Variants in GBE1 observed in about 807,000 individuals in gnomAD.
GBE1 encodes 1,4-alpha-glucan branching enzyme 1.
In GBE1, 70 loss-of-function variants were observed where a neutral mutation model predicts 88.8. The ratio of observed to expected loss-of-function variants is 0.79; its 90% CI spans 0.65 to 0.96. The LOEUF (loss-of-function observed/expected upper bound fraction) is 0.96, where lower values mean the gene tolerates loss of function less well. GBE1 is among the 40% of genes least tolerant of loss of function. The probability of loss-of-function intolerance (pLI) is 0.00; values close to 1 mark genes in which losing one functional copy is unlikely to be tolerated. For missense variants in GBE1, 872 were observed against 871.0 expected (o/e 1.00, Z -0.01); for synonymous variants, 284 against 300.1 (o/e 0.95, Z 0.56).
At chr3:81,741,451 A>G (rs890838512) in intron 1 of GBE1, among the ~76,000 whole-genome samples, 13 of 152,148 alleles carry the variant, frequency 8.5e-5, no homozygotes, top group Non-Finnish European at 1.5e-4. Flanking sequence ...AAAATTCCCA[A>G]ATGTCAACAC....
chr3:81,517,557 G>A (rs1702813014), intron 14 of GBE1, among the ~76,000 whole-genome samples: 1 of 151,312 alleles, frequency 6.6e-6, no homozygotes, highest in South Asian at 2.1e-4. Context: ...GTTAGCTAAT[G>A]TGGTAATGAG....
intron 1 of GBE1, among the ~76,000 whole-genome samples, chr3:81,751,828 A>AT (rs1706531632): frequency 6.6e-6 from 1 of 152,188 alleles, no homozygotes; most frequent in Non-Finnish European, 1.5e-5. Flanking sequence ...ACTGGTGTGT[A>AT]TATCTGTATT....
chr3:81,490,679 C>A (rs567611047), intron 15 of GBE1, among the ~76,000 whole-genome samples: 42 of 151,940 alleles, frequency 2.8e-4, no homozygotes, highest in Admixed American at 2.6e-3. Context: ...GGGCGCCATA[C>A]GACTTAATGA....
intron 14 of GBE1, among the ~76,000 whole-genome samples, chr3:81,532,925 G>A (rs538457365): frequency 7.8e-4 from 118 of 151,910 alleles, no homozygotes; most frequent in Non-Finnish European, 1.5e-4. Context: ...TCTTAATCTC[G>A]TTATCTCTCC....
At chr3:81,513,556 G>A (rs530423002) in intron 14 of GBE1, among the ~76,000 whole-genome samples, 3 of 150,858 alleles carry the variant, frequency 2.0e-5, no homozygotes, top group Admixed American at 6.6e-5. Context: ...GGTGTTTATT[G>A]TTTTGTTCCC....
chr3:81,741,865 A>G (rs1371637365), intron 1 of GBE1, among the ~76,000 whole-genome samples: 1 of 147,622 alleles, frequency 6.8e-6, no homozygotes, highest in Non-Finnish European at 1.5e-5. Context: ...TTTTTTATAT[A>G]TAATATATAA....
intron 2 of GBE1, among the ~76,000 whole-genome samples, chr3:81,682,021 CAT>C (rs1465085014): frequency 1.3e-5 from 2 of 152,098 alleles, no homozygotes; most frequent in African/African-American, 4.8e-5. Context: ...ATTTTCAAAT[CAT>C]ATATTTGATA....
intron 12 of GBE1, among the ~76,000 whole-genome samples, chr3:81,573,538 T>A (rs2106927158): frequency 6.6e-6 from 1 of 152,336 alleles, no homozygotes; most frequent in African/African-American, 2.4e-5. Context: ...CCTTTTGGGT[T>A]TTAAGGCCTT....
intron 14 of GBE1, among the ~76,000 whole-genome samples, chr3:81,527,201 C>G (rs888346478): frequency 8.6e-5 from 13 of 152,038 alleles, no homozygotes; most frequent in African/African-American, 3.1e-4. Context: ...CTTCCTTACG[C>G]CTTATATTAA....
chr3:81,642,943 T>A lies in GBE1; in HGVS notation c.830A>T (p.His277Leu). 1 of 1,613,106 alleles carries A rather than the reference T, an allele frequency of 6.2e-7. No homozygotes were observed. The change falls in exon 7 of 16, where the codon CAT becomes CTT. Residue 277 changes from histidine to leucine, a missense_variant. Transcript: ENST00000429644. ...TAAGAGGACTATGATACCCATGGAA[T>A]GAGCTGTGTCTACCAGTTCTTGTAG... ...EELQELVDTA[H>L]SMGIIVLLDV...
chr3:81,613,861 A>T (rs1312366929), intron 7 of GBE1, among the ~76,000 whole-genome samples: 1 of 151,908 alleles, frequency 6.6e-6, no homozygotes, highest in African/African-American at 2.4e-5. Context: ...GAAAGGAAAG[A>T]TGATGCTCAG....
intron 1 of GBE1, among the ~76,000 whole-genome samples, chr3:81,741,162 A>G (rs972018601): frequency 3.3e-5 from 5 of 152,208 alleles, no homozygotes; most frequent in African/African-American, 1.2e-4. Flanking sequence ...AACATCTTTG[A>G]TGCCATAAAA....
chr3:81,716,964 G>A (rs531775788), intron 1 of GBE1, among the ~76,000 whole-genome samples: 5 of 152,288 alleles, frequency 3.3e-5, no homozygotes, highest in African/African-American at 9.6e-5. Flanking sequence ...AGCCCTGTGA[G>A]ATGGCCCATC....
chr3:81,570,773 T>C (rs1039531900), intron 12 of GBE1, among the ~76,000 whole-genome samples: 6 of 152,164 alleles, frequency 3.9e-5, no homozygotes, highest in South Asian at 2.1e-4. Flanking sequence ...AAAGCCTGAA[T>C]TGGAACACCA....
intron 1 of GBE1, among the ~76,000 whole-genome samples, chr3:81,749,308 T>G (rs984937854): frequency 1.3e-5 from 2 of 151,562 alleles, no homozygotes; most frequent in African/African-American, 4.9e-5. Flanking sequence ...CGTGGAGAGA[T>G]CTCAAGGGAA....
intron 14 of GBE1, among the ~76,000 whole-genome samples, chr3:81,500,154 A>G (rs1410857326): frequency 1.3e-5 from 2 of 152,222 alleles, no homozygotes; most frequent in African/African-American, 4.8e-5. Flanking sequence ...TGGACACGCT[A>G]CAGAAACTTT....
At chr3:81,742,179 C>T (rs1706358531) in intron 1 of GBE1, among the ~76,000 whole-genome samples, 1 of 152,068 alleles carries the variant, frequency 6.6e-6, no homozygotes, top group South Asian at 2.1e-4. Context: ...AAAAATTATA[C>T]CTAATTCATA....
At chr3:81,508,039 C>T (rs1335294087) in intron 14 of GBE1, among the ~76,000 whole-genome samples, 1 of 152,076 alleles carries the variant, frequency 6.6e-6, no homozygotes, top group African/African-American at 2.4e-5. Context: ...CACTATCTAC[C>T]AGGTTAATTA....
intron 7 of GBE1, among the ~76,000 whole-genome samples, chr3:81,597,462 A>AATAT (rs1288729376): frequency 7.2e-6 from 1 of 139,196 alleles, no homozygotes; most frequent in African/African-American, 2.7e-5. Flanking sequence ...ATATATCTCA[A>AATAT]ATATATATAT....
Sources: allele counts gnomAD v4.1 joint callset (sites outside exome capture counted in the v4.1 genomes callset), GRCh38; gene constraint gnomAD v4.1.1; transcripts MANE v1.5; gene names NCBI Gene and HGNC (gene_info 2026-07-23, HGNC 2026-07-21).